Variants in GRAP2 observed in about 807,000 individuals in gnomAD.
The protein encoded by GRAP2 is GRB2-related adapter protein 2.
A neutral mutation model predicts 43.5 loss-of-function variants in GRAP2; 31 were observed. That is an observed-to-expected ratio of 0.71 (90% CI 0.54 to 0.96). The LOEUF (loss-of-function observed/expected upper bound fraction) is 0.96, where lower values mean the gene tolerates loss of function less well. Ranked by LOEUF, GRAP2 falls within the 40% of genes least tolerant of loss-of-function variation. The pLI, the probability that GRAP2 is intolerant of heterozygous loss-of-function variation, is 0.00. For synonymous variants in GRAP2, 156 were observed against 164.8 expected (o/e 0.95, Z 0.41); for missense variants, 371 against 424.4 (o/e 0.87, Z 1.11).
chr22:39,910,867 C>T (rs1277542683), intron 1 of GRAP2, among the ~76,000 whole-genome samples: 1 of 152,136 alleles, frequency 6.6e-6, no homozygotes, highest in Non-Finnish European at 1.5e-5. Flanking sequence ...CCCCTCCCTG[C>T]AGGTGAGTAC....
At chr22:39,919,041 C>G (rs931290444) in intron 1 of GRAP2, among the ~76,000 whole-genome samples, 2 of 152,038 alleles carry the variant, frequency 1.3e-5, no homozygotes, top group Non-Finnish European at 2.9e-5. Flanking sequence ...ACTTTTGGGG[C>G]CCAGGATAAT....
chr22:39,929,957 C>T (rs1188695964), intron 1 of GRAP2, among the ~76,000 whole-genome samples: 1 of 152,158 alleles, frequency 6.6e-6, no homozygotes, highest in Non-Finnish European at 1.5e-5. Flanking sequence ...GTCCCAAGTA[C>T]TTCAATGTGG....
At chr22:39,894,298 T>G in the GRAP2 span, among the ~76,000 whole-genome samples, 1 of 151,686 alleles carries the variant, frequency 6.6e-6, no homozygotes, top group Non-Finnish European at 1.5e-5. Context: ...ATCATCATTC[T>G]CAGTAAACTA....
At position 39,931,740 on chromosome 22, in the gene GRAP2, G is replaced by A. The variant is rs76469413; in HGVS notation, c.-14-15353G>A. On this transcript the variant is annotated intron_variant, in intron 1 of 7. Transcript: ENST00000344138. ...AATCACAAGAGAAATGTCTGAATATGTAAGAGAGTTTAGAAGATTTCTGCT... is the reference window on the plus strand; with the variant it reads ...AATCACAAGAGAAATGTCTGAATATATAAGAGAGTTTAGAAGATTTCTGCT... Among the ~76,000 whole-genome samples the A allele has an allele frequency of 6.1e-3, 925 of 152,320 alleles. 12 individuals carry two copies. Among genetic ancestry groups the A allele is most frequent in the African/African-American group, 0.021 (872 of 41,560 alleles).
chr22:39,936,759 G>GT (rs1397876566), intron 1 of GRAP2, among the ~76,000 whole-genome samples: 1 of 152,176 alleles, frequency 6.6e-6, no homozygotes, highest in Non-Finnish European at 1.5e-5. Flanking sequence ...GCGACAGTTT[G>GT]TAAGTCTATT....
At chr22:39,944,346 G>A (rs1484983453) in intron 1 of GRAP2, among the ~76,000 whole-genome samples, 2 of 152,164 alleles carry the variant, frequency 1.3e-5, no homozygotes, top group Non-Finnish European at 2.9e-5. Flanking sequence ...CCCTGAGGGT[G>A]ACATATTTAC....
chr22:39,903,938 A>G (rs2066508089), intron 1 of GRAP2, among the ~76,000 whole-genome samples: 1 of 152,236 alleles, frequency 6.6e-6, no homozygotes, highest in African/African-American at 2.4e-5. Context: ...AACTTGAGTC[A>G]GTAGGAATTC....
At chr22:39,911,981 G>A (rs888797665) in intron 1 of GRAP2, among the ~76,000 whole-genome samples, 8 of 152,142 alleles carry the variant, frequency 5.3e-5, no homozygotes, top group African/African-American at 9.7e-5. Context: ...CATTTTACCC[G>A]CTGTAGACCT....
At chr22:39,944,955 C>T (rs970311357) in intron 1 of GRAP2, among the ~76,000 whole-genome samples, 5 of 152,176 alleles carry the variant, frequency 3.3e-5, no homozygotes, top group Admixed American at 2.0e-4. Flanking sequence ...TCCCACGAGG[C>T]GACCACTGTC....
intron 1 of GRAP2, among the ~76,000 whole-genome samples, chr22:39,943,723 T>C (rs1250773985): frequency 6.7e-6 from 1 of 149,450 alleles, no homozygotes. Context: ...TTTCTTTCTT[T>C]TTTTTTTTTT....
At chr22:39,927,595 G>A (rs2066717595) in intron 1 of GRAP2, among the ~76,000 whole-genome samples, 1 of 152,172 alleles carries the variant, frequency 6.6e-6, no homozygotes, top group Non-Finnish European at 1.5e-5. Context: ...CATCGGGAGA[G>A]GTAAACAAAA....
intron 1 of GRAP2, among the ~76,000 whole-genome samples, chr22:39,916,644 C>G (rs2066604821): frequency 6.6e-6 from 1 of 152,220 alleles, no homozygotes; most frequent in Non-Finnish European, 1.5e-5. Context: ...AGATTCCCAG[C>G]TTAGTTCCCC....
chr22:39,934,273 C>G (rs909926775), intron 1 of GRAP2, among the ~76,000 whole-genome samples: 3 of 152,116 alleles, frequency 2.0e-5, no homozygotes, highest in Non-Finnish European at 4.4e-5. Context: ...GGGTAGGTTT[C>G]AAGTTGATAC....
chr22:39,961,002 G>A (rs2145666535), intron 4 of GRAP2: 1 of 145,906 alleles, frequency 6.9e-6, no homozygotes, highest in African/African-American at 2.6e-5. Flanking sequence ...CTGGAGTGCA[G>A]TGACGCAATC....
intron 1 of GRAP2, among the ~76,000 whole-genome samples, chr22:39,938,595 A>G (rs1028869104): frequency 1.1e-4 from 16 of 152,200 alleles, no homozygotes; most frequent in African/African-American, 3.4e-4. Flanking sequence ...AGGTAAAGCC[A>G]CCCTCACAGA....
intron 1 of GRAP2, among the ~76,000 whole-genome samples, chr22:39,908,304 C>T (rs2066536649): frequency 6.6e-6 from 1 of 152,204 alleles, no homozygotes; most frequent in African/African-American, 2.4e-5. Context: ...AAACTACAAA[C>T]ATCTCAATAG....
intron 5 of GRAP2, among the ~76,000 whole-genome samples, chr22:39,966,447 T>G (rs1260371674): frequency 2.6e-5 from 4 of 152,218 alleles, no homozygotes; most frequent in African/African-American, 9.7e-5. Context: ...CTCATGTCAT[T>G]CCTCATCACA....
chr22:39,908,945 C>G (rs1601687385), intron 1 of GRAP2, among the ~76,000 whole-genome samples: 1 of 152,196 alleles, frequency 6.6e-6, no homozygotes, highest in East Asian at 1.9e-4. Context: ...CTCCCGTATC[C>G]TGTGTTCTGT....
intron 5 of GRAP2, 40 bp downstream of exon 5, chr22:39,966,198 A>C: frequency 6.4e-7 from 1 of 1,551,502 alleles, no homozygotes; most frequent in East Asian, 2.3e-5. Flanking sequence ...TAGAGATTTT[A>C]GGCAGCCTGA....
Sources: gnomAD v4.1 joint callset for allele counts (sites outside exome capture counted in the v4.1 genomes callset) on GRCh38, gnomAD v4.1.1 for gene constraint, MANE v1.5 for transcripts, NCBI Gene and HGNC (gene_info 2026-07-23, HGNC 2026-07-21) for gene names.